Variants in EYS observed in about 807,000 individuals in gnomAD.
EYS encodes protein eyes shut homolog.
EYS carries 250 observed loss-of-function variants against 282.1 expected under a neutral mutation model. The ratio of observed to expected loss-of-function variants is 0.89; its 90% confidence interval spans 0.80 to 0.98. EYS has a LOEUF of 0.98. Ranked by LOEUF, EYS falls within the 50% of genes least tolerant of loss-of-function variation. The pLI is 0.00. For missense variants in EYS, 4,016 were observed against 3,709.0 expected (o/e 1.08, Z -2.15); for synonymous variants, 1,355 against 1,282.9 (o/e 1.06, Z -1.20).
chr6:64,165,167 C>T (rs1764248233), intron 31 of EYS, among the ~76,000 whole-genome samples: 1 of 151,832 alleles, frequency 6.6e-6, no homozygotes, highest in Admixed American at 6.6e-5. Flanking sequence ...TCAATTATAC[C>T]TCAATAAATC....
At chr6:64,760,626 C>G (rs1313614653) in intron 22 of EYS, among the ~76,000 whole-genome samples, 1 of 152,200 alleles carries the variant, frequency 6.6e-6, no homozygotes, top group African/African-American at 2.4e-5. Context: ...CCAATGTGCC[C>G]TCCCAGAAGA....
At chr6:65,317,931 G>A (rs887925087) in intron 11 of EYS, among the ~76,000 whole-genome samples, 3 of 147,232 alleles carry the variant, frequency 2.0e-5, no homozygotes, top group Non-Finnish European at 4.5e-5. Flanking sequence ...GCAGTGGTGC[G>A]ATCTCGGCTC....
intron 36 of EYS, among the ~76,000 whole-genome samples, chr6:63,840,566 C>G (rs1387131911): frequency 1.3e-5 from 2 of 151,916 alleles, no homozygotes; most frequent in Non-Finnish European, 2.9e-5. Flanking sequence ...TCTATTTTTG[C>G]TTTTGTTGTC....
intron 9 of EYS, among the ~76,000 whole-genome samples, chr6:65,345,292 A>G (rs1210627503): frequency 1.3e-5 from 2 of 151,764 alleles, no homozygotes; most frequent in African/African-American, 2.4e-5. Context: ...ATCAAACACA[A>G]GAGAAGAAAA....
chr6:64,893,508 GTACTT>G (rs1165541184), intron 18 of EYS, among the ~76,000 whole-genome samples: 1 of 151,800 alleles, frequency 6.6e-6, no homozygotes, highest in Non-Finnish European at 1.5e-5. Context: ...TTTTTAGTGA[GTACTT>G]TATCAATAGG....
chr6:65,318,259 C>A (rs1251150437), intron 11 of EYS, among the ~76,000 whole-genome samples: 1 of 151,806 alleles, frequency 6.6e-6, no homozygotes, highest in Non-Finnish European at 1.5e-5. Flanking sequence ...CCTTCTCACT[C>A]CTCTTTTCCA....
intron 2 of EYS, among the ~76,000 whole-genome samples, chr6:65,614,978 G>A (rs1204836897): frequency 2.6e-5 from 4 of 152,084 alleles, no homozygotes; most frequent in Non-Finnish European, 4.4e-5. Flanking sequence ...TGTTCTCATT[G>A]TTCATTATCT....
intron 29 of EYS, among the ~76,000 whole-genome samples, chr6:64,327,547 G>GT (rs1235943011): frequency 1.3e-5 from 2 of 152,084 alleles, no homozygotes; most frequent in African/African-American, 4.8e-5. Flanking sequence ...AGTCACCGGG[G>GT]TTGGAGAACA....
chr6:65,033,564 T>G (rs1772672229), intron 13 of EYS, among the ~76,000 whole-genome samples: 1 of 152,138 alleles, frequency 6.6e-6, no homozygotes, highest in South Asian at 2.1e-4. Context: ...AGGCTGCCAT[T>G]CTGGAGAATG....
chr6:64,513,358 A>G (rs947079221), intron 26 of EYS, among the ~76,000 whole-genome samples: 1 of 151,984 alleles, frequency 6.6e-6, no homozygotes, highest in Non-Finnish European at 1.5e-5. Flanking sequence ...TTCATTGGAC[A>G]GTTTACTTTT....
chr6:64,301,515 C>A (rs566617203), intron 30 of EYS, among the ~76,000 whole-genome samples: 2 of 152,110 alleles, frequency 1.3e-5, no homozygotes, highest in African/African-American at 2.4e-5. Context: ...GCTCACATAC[C>A]GGAACTAAAA....
intron 31 of EYS, among the ~76,000 whole-genome samples, chr6:64,102,327 G>T (rs1202320020): frequency 6.6e-6 from 1 of 152,080 alleles, no homozygotes; most frequent in Non-Finnish European, 1.5e-5. Context: ...ATTTTTTGAA[G>T]AGTAAATTTT....
intron 18 of EYS, among the ~76,000 whole-genome samples, chr6:64,895,965 A>G (rs967551166): frequency 1.3e-5 from 2 of 152,086 alleles, no homozygotes; most frequent in African/African-American, 4.8e-5. Context: ...ATAATAAATT[A>G]ATTCAAGTAT....
intron 29 of EYS, among the ~76,000 whole-genome samples, chr6:64,326,710 G>A (rs116039482): frequency 9.1e-4 from 138 of 152,226 alleles, no homozygotes; most frequent in Non-Finnish European, 1.2e-3. Context: ...GGGGTCCTTG[G>A]CACTGCCAGG....
chr6:65,342,263 C>G lies in EYS; in HGVS notation c.1599+1775G>C, dbSNP rs149862764. On this transcript the variant is annotated intron_variant, in intron 10 of 42. Coordinates refer to ENST00000503581, the MANE Select transcript of EYS (RefSeq NM_001142800.2). Reference sequence around the variant, plus strand: ...TTAATTTAACTTTAAGAGAAATATTCTATAATTATGTCCTCAAATTGTCTG... The same window carrying G: ...TTAATTTAACTTTAAGAGAAATATTGTATAATTATGTCCTCAAATTGTCTG... Among the ~76,000 whole-genome samples, 1,118 of 150,984 alleles carry G rather than the reference C, an allele frequency of 7.4e-3. 7 individuals carry two copies. The highest frequency in any genetic ancestry group is 0.017 in the Middle Eastern group (5 of 286).
intron 12 of EYS, among the ~76,000 whole-genome samples, chr6:65,199,869 G>C (rs1244013347): frequency 1.3e-5 from 2 of 152,040 alleles, no homozygotes; most frequent in Non-Finnish European, 2.9e-5. Context: ...CTGGAGATGA[G>C]GTTGAAACAG....
At chr6:64,354,240 T>C (rs916765780) in intron 29 of EYS, among the ~76,000 whole-genome samples, 1 of 151,634 alleles carries the variant, frequency 6.6e-6, no homozygotes, top group Non-Finnish European at 1.5e-5. Context: ...CTGGAAAATA[T>C]ATAAACACAA....
At chr6:65,246,753 C>A (rs906391319) in intron 12 of EYS, among the ~76,000 whole-genome samples, 1 of 152,090 alleles carries the variant, frequency 6.6e-6, no homozygotes, top group Non-Finnish European at 1.5e-5. Context: ...CTCTTTCATA[C>A]GTTCTTCAAT....
intron 30 of EYS, among the ~76,000 whole-genome samples, chr6:64,291,484 T>G (rs1476494745): frequency 1.3e-5 from 2 of 152,046 alleles, no homozygotes; most frequent in African/African-American, 4.8e-5. Context: ...TAAAATAGAT[T>G]TTAAAACATA....
Sources: gnomAD v4.1 joint callset for allele counts (sites outside exome capture counted in the v4.1 genomes callset) on GRCh38, gnomAD v4.1.1 for gene constraint, MANE v1.5 for transcripts, NCBI Gene and HGNC (gene_info 2026-07-23, HGNC 2026-07-21) for gene names.